Variants in NKX2-5 observed in about 807,000 individuals in gnomAD.
NKX2-5 encodes homeobox protein Nkx-2.5.
In NKX2-5, 3 loss-of-function variants were observed where a neutral mutation model predicts 24.5. The observed-to-expected ratio is 0.12, with a 90% CI of 0.06 to 0.32. The LOEUF is 0.32. Among genes scored for constraint, NKX2-5 ranks in the 10% least tolerant of loss-of-function variants. The pLI is 1.00. For missense variants in NKX2-5, 429 were observed against 452.4 expected, an observed-to-expected ratio of 0.95 and a Z score of 0.47; for synonymous variants, 215 against 217.6, an observed-to-expected ratio of 0.99 and a Z score of 0.11.
Position 173,232,947 on chromosome 5 carries a change from G to A in NKX2-5, c.597C>T (p.Asp199=), listed in dbSNP as rs1209480214. The A allele has an allele frequency of 1.2e-6, 2 of 1,606,440 alleles. No homozygotes were observed. Among genetic ancestry groups the A allele is most frequent in the South Asian group, 2.2e-5 (2 of 90,630 alleles). Residue 199 remains aspartate (D), a synonymous_variant, in exon 2 of 2, where the codon GAC becomes GAT. Transcript: ENST00000329198. This position sits in a 1 kb window ranked among gnomAD's most constrained non-coding sequence, Gnocchi z 5.9. ...GCAGCCCCACCAGCTCCAGAGTCTG[G>A]TCCTGCCGCTGCCGCTTGCACTTGT... ...RRYKCKRQRQ[D]QTLELVGLPP...
chr5:173,232,831 G>T lies in NKX2-5; in HGVS notation c.713C>A (p.Ala238Glu). The T allele has an allele frequency of 6.2e-7, 1 of 1,611,956 alleles. No homozygotes were observed. Among genetic ancestry groups the T allele is most frequent in the African/African-American group, 1.3e-5 (1 of 75,040 alleles). ...KPCLGDSAPY[A>E]PAYGVGLNPY... ...ATTGAGGCCCACGCCGTAGGCAGGC[G>T]CGTAGGGCGCCGAGTCCCCTAGGCA... is the stretch of plus-strand genomic sequence containing the variant. Residue 238 changes from alanine (A) to glutamate (E), a missense_variant, in exon 2 of 2, where the codon GCG (alanine) becomes GAG (glutamate). Physicochemically the swap from Ala to Glu is moderately radical, Grantham distance 107 (BLOSUM62 -1). This residue lies in a region of NKX2-5 where 183 missense variants were observed against 185.9 expected (regional missense o/e 0.98). Coordinates refer to ENST00000329198, the MANE Select transcript of NKX2-5 (RefSeq NM_004387.4). This position sits in a 1 kb window ranked among gnomAD's most constrained non-coding sequence, Gnocchi z 5.9.
At position 173,232,667 on chromosome 5, in the gene NKX2-5, C is replaced by A. The variant is rs749577978; in HGVS notation, c.877G>T (p.Val293Leu). The A allele has an allele frequency of 6.2e-7, 1 of 1,612,474 alleles. No individual in the cohort carries two copies. The highest frequency in any genetic ancestry group is 1.1e-5 in the South Asian group (1 of 91,070). Residue 293 changes from valine to leucine, a missense_variant, in exon 2 of 2, where the codon GTG becomes TTG. By Grantham distance (32) the Val-to-Leu change is conservative (BLOSUM62 1). Around this residue, in one of 3 missense-constraint regions of NKX2-5, gnomAD observed 183 missense variants for 185.9 expected, o/e 0.98. Coordinates refer to ENST00000329198, the MANE Select transcript of NKX2-5 (RefSeq NM_004387.4). The surrounding 1 kb of genome is among the most constrained non-coding windows in gnomAD (Gnocchi z 5.9). ...TTCAAGTCCCCGACGCCGAAGTTCA[C>A]GAAGTTGTTGTTGGCGGCGGCAGTG... is the stretch of plus-strand genomic sequence containing the variant. The part of the protein sequence containing the change: ...PATAAANNNF[V>L]NFGVGDLNAV...
Position 173,234,863 on chromosome 5 carries a change from C to T in NKX2-5, c.221G>A (p.Gly74Asp), listed in dbSNP as rs201362118. The change falls in exon 1 of 2, where the codon GGC becomes GAC. Residue 74 changes from glycine to aspartate, a missense_variant. This residue lies in a region of NKX2-5 where 240 missense variants were observed against 240.4 expected (regional missense o/e 1.00). Transcript: ENST00000329198. The stretch of plus-strand genomic sequence containing the variant: ...ACACTTGGCCGGTGAAGGCGCGCGG[C>T]CCAGCTCTGCGCGCAGCTCTGGGAG... ...PGLPELRAEL[G>D]RAPSPAKCAS... 6.2e-7 allele frequency: 1 copy of T among 1,600,800 alleles called. No homozygotes were observed. Among genetic ancestry groups the T allele is most frequent in the East Asian group, 2.3e-5 (1 of 44,350 alleles).
chr5:173,232,329 G>T lies in NKX2-5; in HGVS notation c.*240C>A. ...CCATGGACTCTCGGAGGGCACTCCT[G>T]GGGGGACAGCTAAGACACCAGGCTG... On this transcript the variant is annotated 3_prime_UTR_variant, in exon 2 of 2. Coordinates refer to ENST00000329198, the MANE Select transcript of NKX2-5 (RefSeq NM_004387.4). The surrounding 1 kb of genome is among the most constrained non-coding windows in gnomAD (Gnocchi z 5.9). 1.2e-5 allele frequency: 9 copies of T among 721,318 alleles called. No individual in the cohort carries two copies. The East Asian group carries it at 1.8e-4, about 14-fold the overall frequency. The allele number at this position is 721,318 out of a possible 1,614,324, so 44.7% of individuals were successfully genotyped here. A position where few individuals can be genotyped will look rare whatever the true frequency, so the allele number is the denominator to read the frequency against.
Position 173,233,130 on chromosome 5 carries a change from C to G in NKX2-5, c.414G>C (p.Arg138=), listed in dbSNP as rs767571259. 6 of 1,601,558 alleles carry G rather than the reference C, an allele frequency of 3.7e-6. No individual in the cohort carries two copies. The South Asian group carries it at 5.6e-5, about 15-fold the overall frequency. ...GCGAGAAGAGCACGCGCGGCTTCCT[C>G]CGCCGTCGCGCCCGGGGCCGCTCCG... The part of the protein sequence containing the change: ...DNAERPRARR[R]RKPRVLFSQA... The change falls in exon 2 of 2, where the codon CGG becomes CGC. Residue 138 remains arginine (R), a synonymous_variant. Coordinates refer to ENST00000329198, the MANE Select transcript of NKX2-5 (RefSeq NM_004387.4).
rs538010963 is a variant in NKX2-5, at chr5:173,232,668, G to C, written c.876C>G (p.Phe292Leu). 6.2e-7 allele frequency: 1 copy of C among 1,612,212 alleles called. No individual in the cohort carries two copies. The highest frequency in any genetic ancestry group is 2.2e-5 in the East Asian group (1 of 44,828). The change falls in exon 2 of 2, where the codon TTC becomes TTG. Residue 292 changes from phenylalanine (F) to leucine (L), a missense_variant. Phe to Leu is a conservative substitution (Grantham distance 22). Around this residue, in one of 3 missense-constraint regions of NKX2-5, gnomAD observed 183 missense variants for 185.9 expected, o/e 0.98. Transcript: ENST00000329198. This position sits in a 1 kb window ranked among gnomAD's most constrained non-coding sequence, Gnocchi z 5.9. The stretch of plus-strand genomic sequence containing the variant: ...TCAAGTCCCCGACGCCGAAGTTCAC[G>C]AAGTTGTTGTTGGCGGCGGCAGTGG... ...QPATAAANNN[F>L]VNFGVGDLNA...
chr5:173,233,063 G>A lies in NKX2-5; in HGVS notation c.481C>T (p.Arg161Trp). 6.2e-7 allele frequency: 1 copy of A among 1,603,142 alleles called. No individual in the cohort carries two copies. Among genetic ancestry groups the A allele is most frequent in the Non-Finnish European group, 8.5e-7 (1 of 1,175,494 alleles). Residue 161 changes from arginine to tryptophan, a missense_variant, in exon 2 of 2, where the codon CGG becomes TGG. Transcript: ENST00000329198. ...YELERRFKQQRYLSAPERDQL... is the reference protein window; with the variant it reads ...YELERRFKQQWYLSAPERDQL... ...TCGCGTTCGGGGGCCGACAGGTACC[G>A]CTGCTGCTTGAAGCGCCGCTCCAGC...
At position 173,234,797 on chromosome 5, in the gene NKX2-5, G is replaced by A. The variant is rs760088847; in HGVS notation, c.287C>T (p.Ala96Val). The change falls in exon 1 of 2, where the codon GCC becomes GTC. Residue 96 changes from alanine (A) to valine (V), a missense_variant. Physicochemically the swap from Ala to Val is moderately conservative, Grantham distance 64. Transcript: ENST00000329198. ...CTTGGCTGGGTCGGGGTCGCTGTAG[G>A]CACGTGGATAGAAGGCGGGGGCGGC... ...FPAAPAFYPR[A>V]YSDPDPAKDP... The A allele has an allele frequency of 6.3e-7, 1 of 1,580,592 alleles. No homozygotes were observed. Among genetic ancestry groups the A allele is most frequent in the Non-Finnish European group, 8.6e-7 (1 of 1,165,688 alleles).
chr5:173,234,665 C>T (rs1309582732), intron 1 of NKX2-5, 85 bp downstream of exon 1: 2 of 1,221,276 alleles, frequency 1.6e-6, no homozygotes, highest in East Asian at 2.8e-5. Flanking sequence ...GGCCCAAGGG[C>T]GCGTGTCTCC....
At chr5:173,233,290 G>T in intron 1 of NKX2-5, 81 bp from the exon 2 acceptor site, 2 of 1,547,680 alleles carry the variant, frequency 1.3e-6, no homozygotes, top group Non-Finnish European at 1.7e-6. Flanking sequence ...TAATGGTAAG[G>T]GATCCTCGTG....
At chr5:173,233,649 CA>C in intron 1 of NKX2-5, 1 of 656,550 alleles carries the variant, frequency 1.5e-6, no homozygotes, top group Non-Finnish European at 2.4e-6. Context: ...GGTCTTATCT[CA>C]AAATTAAGGA....
intron 1 of NKX2-5, chr5:173,233,753 G>C: frequency 1.3e-6 from 1 of 792,198 alleles, no homozygotes; most frequent in Non-Finnish European, 1.5e-6. Context: ...AGAAGCTGCG[G>C]GTGGGCAGGC....
Position 173,234,880 on chromosome 5 carries a change from C to T in NKX2-5, c.204G>A (p.Glu68=). Residue 68 remains glutamate (E), a synonymous_variant, in exon 1 of 2, where the codon GAG becomes GAA. Coordinates refer to ENST00000329198, the MANE Select transcript of NKX2-5 (RefSeq NM_004387.4). ...GCGCGCGGCCCAGCTCTGCGCGCAG[C>T]TCTGGGAGGCCCGGCGCAGCCGCCT... The part of the protein sequence containing the change: ...GPEAAAPGLP[E]LRAELGRAPS... 2 of 1,606,778 alleles carry T rather than the reference C, an allele frequency of 1.2e-6. No individual in the cohort carries two copies. Among genetic ancestry groups the T allele is most frequent in the South Asian group, 2.2e-5 (2 of 90,508 alleles).
At chr5:173,234,303 G>A (rs925333148) in intron 1 of NKX2-5, 2 of 985,328 alleles carry the variant, frequency 2.0e-6, no homozygotes, top group Admixed American at 6.1e-5. Flanking sequence ...ACCCTCCTCC[G>A]ATTGTACGCA....
chr5:173,232,653 G>T lies in NKX2-5; in HGVS notation c.891C>A (p.Val297=), dbSNP rs750356140. The change falls in exon 2 of 2, where the codon GTC becomes GTA. Residue 297 remains valine, a synonymous_variant. Transcript: ENST00000329198. This position sits in a 1 kb window ranked among gnomAD's most constrained non-coding sequence, Gnocchi z 5.9. ...AANNNFVNFG[V]GDLNAVQSPG... The stretch of plus-strand genomic sequence containing the variant: ...GGCTCTGAACCGCATTCAAGTCCCC[G>T]ACGCCGAAGTTCACGAAGTTGTTGT... 6.2e-7 allele frequency: 1 copy of T among 1,612,926 alleles called. No individual in the cohort carries two copies. Among genetic ancestry groups the T allele is most frequent in the African/African-American group, 1.3e-5 (1 of 74,946 alleles).
intron 1 of NKX2-5, 92 bp from the exon 2 acceptor site, chr5:173,233,301 G>C (rs766100070): frequency 2.6e-6 from 4 of 1,543,728 alleles, no homozygotes; most frequent in Non-Finnish European, 3.5e-6. Flanking sequence ...GATCCTCGTG[G>C]AGGCCACTGT....
At chr5:173,234,154 G>A in intron 1 of NKX2-5, 1 of 1,288,814 alleles carries the variant, frequency 7.8e-7, no homozygotes, top group Non-Finnish European at 1.0e-6. Flanking sequence ...AAAAAATAAA[G>A]TGAAGTCAGA....
In NKX2-5 at chr5:173,233,519, A is replaced by T. The variant is rs1202820404; in HGVS notation, c.335-310T>A. On this transcript the variant is annotated intron_variant, in intron 1 of 1. Transcript: ENST00000329198. ...ATTTCAGGCTGCAAAAAAAAAAAAAATAAATAAAAAAATAAAAAAATAAAA... is the reference window on the plus strand; with the variant it reads ...ATTTCAGGCTGCAAAAAAAAAAAAATTAAATAAAAAAATAAAAAAATAAAA... The T allele has an allele frequency of 4.3e-4, 274 of 633,332 alleles. 6 individuals are homozygous for T. Among genetic ancestry groups the T allele is most frequent in the South Asian group, 1.9e-3 (82 of 43,688 alleles). 39.2% of individuals were successfully genotyped at this position (633,332 alleles called of 1,614,324 possible).
At position 173,235,092 on chromosome 5, in the gene NKX2-5, C is replaced by A. The variant is rs762755501; in HGVS notation, c.-9G>T. 1 of 1,597,704 alleles carries A rather than the reference C, an allele frequency of 6.3e-7. No individual in the cohort carries two copies. The highest frequency in any genetic ancestry group is 8.5e-7 in the Non-Finnish European group (1 of 1,173,772). On this transcript the variant is annotated 5_prime_UTR_variant, in exon 1 of 2. Coordinates refer to ENST00000329198, the MANE Select transcript of NKX2-5 (RefSeq NM_004387.4). ...GCAGGGCTGGGGAACATGGTGGCAG[C>A]GCCAGTCTCACAGCGCCAGGTGGGC... is the stretch of plus-strand genomic sequence containing the variant.
Sources: allele counts gnomAD v4.1 joint callset, GRCh38; gene constraint gnomAD v4.1.1; regional missense constraint gnomAD v4.1.1; non-coding constraint Gnocchi (gnomAD v3.1); transcripts MANE v1.5; gene names NCBI Gene and HGNC (gene_info 2026-07-23, HGNC 2026-07-21).